RBFOX1: variants seen among roughly 807,000 people sequenced by gnomAD.
RBFOX1 encodes the protein RNA binding protein fox-1 homolog 1.
RBFOX1 carries 8 observed loss-of-function variants against 57.7 expected under a neutral mutation model. The ratio of observed to expected loss-of-function variants is 0.14; its 90% CI spans 0.08 to 0.25. RBFOX1 has a LOEUF of 0.25. RBFOX1 is among the 10% of genes least tolerant of loss of function. The pLI, the probability that RBFOX1 is intolerant of heterozygous loss-of-function variation, is 1.00. For synonymous variants in RBFOX1, 326 were observed against 222.4 expected, an observed-to-expected ratio of 1.47 and a Z score of -4.15; for missense variants, 611 against 548.5, an observed-to-expected ratio of 1.11 and a Z score of -1.14.
chr16:7,242,871 C>T (rs565735685), intron 4 of RBFOX1, among the ~76,000 whole-genome samples: 19 of 152,276 alleles, frequency 1.2e-4, no homozygotes, highest in African/African-American at 4.6e-4. Context: ...GATATGGAGT[C>T]TGCGGACAGT....
rs1026786070 is a variant in RBFOX1, at chr16:7,166,638, G to C, written c.27+114540G>C. 2.0e-5 allele frequency among the ~76,000 whole-genome samples: 3 copies of C among 152,122 alleles called. 1 individual carries two copies. The highest frequency in any genetic ancestry group is 7.2e-5 in the African/African-American group (3 of 41,424). On this transcript the variant is annotated intron_variant, in intron 4 of 15. Coordinates refer to ENST00000550418, the MANE Select transcript of RBFOX1 (RefSeq NM_018723.4). ...GGACTGGCCCTCCTTCGACACCCCT[G>C]AGCAGTCTGGTGAGGAAGGGGTGAG...
chr16:5,960,037 C>T (rs146295412), intron 4 of RBFOX1, among the ~76,000 whole-genome samples: 316 of 152,178 alleles, frequency 2.1e-3, no homozygotes, highest in African/African-American at 7.4e-3. Flanking sequence ...CCCGTCTCTA[C>T]TATAAATAAA....
chr16:6,214,090 A>G (rs1361237225), intron 1 of RBFOX1, among the ~76,000 whole-genome samples: 7 of 152,200 alleles, frequency 4.6e-5, no homozygotes, highest in Non-Finnish European at 7.3e-5. Context: ...TTTCACTCCA[A>G]GAGCATGAGT....
At chr16:7,038,232 T>C (rs2045117127) in intron 3 of RBFOX1, among the ~76,000 whole-genome samples, 1 of 152,106 alleles carries the variant, frequency 6.6e-6, no homozygotes. Flanking sequence ...CCAAGCCCTT[T>C]TAGTTACCCA....
chr16:6,544,103 A>G (rs1304422120), intron 2 of RBFOX1, among the ~76,000 whole-genome samples: 1 of 152,058 alleles, frequency 6.6e-6, no homozygotes, highest in Non-Finnish European at 1.5e-5. Context: ...GAGATGGGAG[A>G]GTATCTTATC....
Position 5,393,624 on chromosome 16 carries a change from G to A in RBFOX1, c.220-73592G>A, listed in dbSNP as rs113309215. Among the ~76,000 whole-genome samples, 287 of 152,234 alleles carry A rather than the reference G, an allele frequency of 1.9e-3. 3 individuals carry two copies. Among genetic ancestry groups the A allele is most frequent in the African/African-American group, 6.5e-3 (272 of 41,540 alleles). On this transcript the variant is annotated intron_variant, in intron 1 of 2. Transcript: ENST00000585867. ...TGTTGGGATGACATTCTGCTGTGTT[G>A]TTACTTCATGTGTCATCCTGTTGCT...
intron 3 of RBFOX1, among the ~76,000 whole-genome samples, chr16:6,894,032 A>T (rs985381416): frequency 6.6e-6 from 1 of 152,220 alleles, no homozygotes; most frequent in African/African-American, 2.4e-5. Context: ...ACAGCTCTTT[A>T]TATGGGTTTT....
At chr16:5,674,830 C>T (rs866379734) in intron 3 of RBFOX1, among the ~76,000 whole-genome samples, 19 of 152,094 alleles carry the variant, frequency 1.2e-4, no homozygotes, top group African/African-American at 4.1e-4. Context: ...GTCTGGCGCA[C>T]GTAGTACGTT....
At chr16:6,949,391 G>T (rs2080228110) in intron 3 of RBFOX1, among the ~76,000 whole-genome samples, 1 of 152,132 alleles carries the variant, frequency 6.6e-6, no homozygotes, top group Non-Finnish European at 1.5e-5. Flanking sequence ...TCATTCCATG[G>T]TGTATTAGCT....
chr16:7,023,400 C>A (rs1347219713), intron 3 of RBFOX1, among the ~76,000 whole-genome samples: 4 of 150,458 alleles, frequency 2.7e-5, no homozygotes, highest in Admixed American at 2.7e-4. Context: ...GCAGAGGTTG[C>A]AGTGAGCCGA....
At chr16:7,572,394 G>A (rs752395818) in intron 5 of RBFOX1, among the ~76,000 whole-genome samples, 9 of 152,196 alleles carry the variant, frequency 5.9e-5, no homozygotes, top group Non-Finnish European at 1.3e-4. Flanking sequence ...CAGGTCAGCA[G>A]TTTCAAGTGG....
chr16:5,990,366 A>G (rs1364914804), intron 4 of RBFOX1, among the ~76,000 whole-genome samples: 2 of 152,198 alleles, frequency 1.3e-5, no homozygotes, highest in Non-Finnish European at 2.9e-5. Flanking sequence ...GAACTATAAC[A>G]ACATTATATA....
intron 1 of RBFOX1, among the ~76,000 whole-genome samples, chr16:5,415,347 C>T (rs1029354903): frequency 5.3e-5 from 8 of 152,118 alleles, no homozygotes; most frequent in African/African-American, 1.7e-4. Context: ...CTTGCTATCA[C>T]GAGAACAGCA....
At chr16:5,843,326 T>A (rs1215270579) in intron 3 of RBFOX1, among the ~76,000 whole-genome samples, 1 of 152,234 alleles carries the variant, frequency 6.6e-6, no homozygotes, top group Non-Finnish European at 1.5e-5. Context: ...GTGTGTGCTG[T>A]TCCCTTCTGT....
intron 3 of RBFOX1, among the ~76,000 whole-genome samples, chr16:5,648,893 A>G (rs1395418491): frequency 1.3e-5 from 2 of 151,942 alleles, no homozygotes; most frequent in African/African-American, 2.4e-5. Flanking sequence ...GTGAAACCCC[A>G]TGTCTACTAA....
At chr16:5,693,914 C>G (rs1033252573) in intron 3 of RBFOX1, among the ~76,000 whole-genome samples, 1 of 152,178 alleles carries the variant, frequency 6.6e-6, no homozygotes, top group African/African-American at 2.4e-5. Flanking sequence ...CCTCATTCCC[C>G]CACCTCGTCA....
chr16:7,065,662 T>C (rs1035179132), intron 4 of RBFOX1, among the ~76,000 whole-genome samples: 2 of 152,206 alleles, frequency 1.3e-5, no homozygotes, highest in African/African-American at 4.8e-5. Context: ...AGGGTAAGAA[T>C]ACTTAAAATT....
chr16:7,267,637 T>G (rs1160998677), intron 4 of RBFOX1, among the ~76,000 whole-genome samples: 1 of 151,894 alleles, frequency 6.6e-6, no homozygotes, highest in Non-Finnish European at 1.5e-5. Flanking sequence ...GGCGGATCAC[T>G]TGAGGTCAGG....
At chr16:5,932,812 G>T (rs1181579798) in intron 4 of RBFOX1, among the ~76,000 whole-genome samples, 1 of 151,962 alleles carries the variant, frequency 6.6e-6, no homozygotes, top group African/African-American at 2.4e-5. Context: ...TCGGGTGCTT[G>T]GTTCTCCCTG....
Sources: allele counts gnomAD v4.1 joint callset (sites outside exome capture counted in the v4.1 genomes callset), GRCh38; gene constraint gnomAD v4.1.1; transcripts MANE v1.5; gene names NCBI Gene and HGNC (gene_info 2026-07-23, HGNC 2026-07-21).